The following BMPR2 variants were observed in gnomAD, a reference collection of about 807,000 sequenced individuals.
BMPR2 encodes the protein bone morphogenetic protein receptor type-2.
Under a neutral mutation model 100.8 loss-of-function variants are expected in BMPR2, and 29 were observed. That is an observed-to-expected ratio of 0.29 (90% confidence interval 0.21 to 0.39). BMPR2 has a LOEUF of 0.39. BMPR2 is among the 10% of genes least tolerant of loss of function. The pLI, the probability that BMPR2 is intolerant of heterozygous loss-of-function variation, is 1.00. For synonymous variants in BMPR2, 382 were observed against 442.3 expected (o/e 0.86, Z 1.71); for missense variants, 1,011 against 1,274.5 (o/e 0.79, Z 3.15).
At chr2:202,483,610 G>C (rs954798414) in intron 3 of BMPR2, among the ~76,000 whole-genome samples, 2 of 152,086 alleles carry the variant, frequency 1.3e-5, no homozygotes, top group Admixed American at 6.6e-5. Context: ...TGTTGGCTAG[G>C]CTGGTATGGA....
chr2:202,516,725 G>A (rs1687720220), intron 5 of BMPR2, among the ~76,000 whole-genome samples: 1 of 152,176 alleles, frequency 6.6e-6, no homozygotes, highest in Non-Finnish European at 1.5e-5. Flanking sequence ...ACAGTAAGAT[G>A]TCCAATTTAC....
chr2:202,452,557 AG>A (rs1034369954), intron 1 of BMPR2, among the ~76,000 whole-genome samples: 29 of 152,214 alleles, frequency 1.9e-4, no homozygotes, highest in Non-Finnish European at 3.8e-4. Context: ...CCAAGGCAGG[AG>A]GATCACTTGA....
intron 1 of BMPR2, among the ~76,000 whole-genome samples, chr2:202,451,841 C>T (rs1438363557): frequency 6.6e-6 from 1 of 152,026 alleles, no homozygotes; most frequent in Admixed American, 6.6e-5. Context: ...CCACCATCTC[C>T]CAGGTTCAAG....
In BMPR2 at chr2:202,520,085, A is replaced by G. The variant is rs863223424; in HGVS notation, c.853-2A>G. On this transcript the variant is annotated splice_acceptor_variant, in intron 6 of 12. Transcript: ENST00000374580. LOFTEE classifies it high-confidence loss of function. ...TTTTTTCGCATTTTTTCCTCTATAT[A>G]GGGATCTTTATGCAAGTATTTAAGT... 1.3e-6 allele frequency: 2 copies of G among 1,589,206 alleles called. No individual in the cohort carries two copies. The highest frequency in any genetic ancestry group is 2.2e-5 in the East Asian group (1 of 44,588).
At chr2:202,557,467 A>G (rs1382425707) in intron 12 of BMPR2, among the ~76,000 whole-genome samples, 1 of 16,702 alleles carries the variant, frequency 6.0e-5, no homozygotes, top group Non-Finnish European at 1.6e-4. Flanking sequence ...TGTCTCAAAC[A>G]CACACACACA....
chr2:202,471,044 G>A (rs1692427407), intron 3 of BMPR2, among the ~76,000 whole-genome samples: 1 of 152,156 alleles, frequency 6.6e-6, no homozygotes, highest in Non-Finnish European at 1.5e-5. Flanking sequence ...GGGTGACAGT[G>A]AGACCCTGTC....
intron 1 of BMPR2, among the ~76,000 whole-genome samples, chr2:202,389,683 C>G (rs1690508529): frequency 6.8e-6 from 1 of 147,698 alleles, no homozygotes; most frequent in Non-Finnish European, 1.5e-5. Context: ...TTGCTCTTGT[C>G]CAGGCTGGAG....
chr2:202,520,003 C>G (rs1352809294), intron 6 of BMPR2, 84 bp from the exon 7 acceptor site: 9 of 860,258 alleles, frequency 1.0e-5, no homozygotes, highest in Non-Finnish European at 1.5e-5. Flanking sequence ...TTTGCAAATT[C>G]TTTATAAGGA....
chr2:202,398,958 G>A (rs920011285), intron 1 of BMPR2, among the ~76,000 whole-genome samples: 13 of 152,032 alleles, frequency 8.6e-5, no homozygotes, highest in Non-Finnish European at 4.4e-5. Flanking sequence ...GAGAAACCCC[G>A]TCTCTACTAA....
At chr2:202,415,499 G>A (rs1170392162) in intron 1 of BMPR2, among the ~76,000 whole-genome samples, 1 of 152,016 alleles carries the variant, frequency 6.6e-6, no homozygotes, top group African/African-American at 2.4e-5. Flanking sequence ...ATAAATAAAC[G>A]TAACTGGAGA....
intron 7 of BMPR2, among the ~76,000 whole-genome samples, chr2:202,525,239 T>C (rs1687888205): frequency 6.6e-6 from 1 of 151,994 alleles, no homozygotes; most frequent in Admixed American, 6.6e-5. Context: ...TTGAGATGAG[T>C]CTCGCTCTGT....
At chr2:202,396,585 G>A (rs938869128) in intron 1 of BMPR2, among the ~76,000 whole-genome samples, 2 of 152,082 alleles carry the variant, frequency 1.3e-5, no homozygotes, top group African/African-American at 4.8e-5. Context: ...AGTCAGGTAA[G>A]AGGAAACACT....
At chr2:202,506,159 A>G (rs1687516723) in intron 3 of BMPR2, among the ~76,000 whole-genome samples, 1 of 150,250 alleles carries the variant, frequency 6.7e-6, no homozygotes, top group East Asian at 1.9e-4. Context: ...TTTAATTTTT[A>G]ATTAATTAAT....
chr2:202,443,189 A>G (rs1691780942), intron 1 of BMPR2, among the ~76,000 whole-genome samples: 1 of 150,734 alleles, frequency 6.6e-6, no homozygotes. Context: ...TGGACTGCTC[A>G]GATAGGTTTA....
At chr2:202,453,544 T>G (rs976461177) in intron 1 of BMPR2, among the ~76,000 whole-genome samples, 6 of 152,128 alleles carry the variant, frequency 3.9e-5, no homozygotes, top group African/African-American at 1.4e-4. Context: ...TTAAGTGAAA[T>G]AAGCTAGGCA....
At chr2:202,454,873 G>C (rs554478165) in intron 1 of BMPR2, among the ~76,000 whole-genome samples, 1 of 152,248 alleles carries the variant, frequency 6.6e-6, no homozygotes, top group South Asian at 2.1e-4. Flanking sequence ...TTTTTTCACA[G>C]CTCTGGAAGC....
At chr2:202,392,944 A>C (rs924316887) in intron 1 of BMPR2, among the ~76,000 whole-genome samples, 7 of 148,984 alleles carry the variant, frequency 4.7e-5, no homozygotes, top group Admixed American at 6.9e-5. Context: ...GTGAGCCGAG[A>C]TCGTGCCATT....
intron 1 of BMPR2, among the ~76,000 whole-genome samples, chr2:202,414,901 G>A (rs1399949123): frequency 6.6e-6 from 1 of 151,880 alleles, no homozygotes; most frequent in Non-Finnish European, 1.5e-5. Flanking sequence ...CACCATGCCC[G>A]GCTAATTTTT....
rs749726811 is a variant in BMPR2 at position 202,514,939 on chromosome 2, C to G, written c.581C>G (p.Ser194Cys). The G allele has an allele frequency of 1.2e-6, 2 of 1,614,118 alleles. No homozygotes were observed. The highest frequency in any genetic ancestry group is 1.6e-4 in the Middle Eastern group (1 of 6,062). ...ATGAACATGATGGAGGCAGCAGCATCCGAACCCTCTCTTGATCTAGATAAT... is the reference window on the plus strand; with the variant it reads ...ATGAACATGATGGAGGCAGCAGCATGCGAACCCTCTCTTGATCTAGATAAT... ...HSMNMMEAAA[S>C]EPSLDLDNLK... Residue 194 changes from serine to cysteine, a missense_variant, in exon 5 of 13, where the codon TCC (serine) becomes TGC (cysteine). Ser to Cys is a moderately radical substitution (Grantham distance 112). Transcript: ENST00000374580.
Sources: gnomAD v4.1 joint callset for allele counts (sites outside exome capture counted in the v4.1 genomes callset) on GRCh38, gnomAD v4.1.1 for gene constraint, MANE v1.5 for transcripts, NCBI Gene and HGNC (gene_info 2026-07-23, HGNC 2026-07-21) for gene names.